Variants in EYS observed in about 807,000 individuals in gnomAD.
EYS encodes protein eyes shut homolog.
EYS carries 250 observed loss-of-function variants against 282.1 expected under a neutral mutation model. The observed-to-expected ratio is 0.89, with a 90% CI of 0.80 to 0.98. The LOEUF (loss-of-function observed/expected upper bound fraction) is 0.98. Among genes scored for constraint, EYS ranks in the 50% least tolerant of loss-of-function variants. The probability of loss-of-function intolerance (pLI) is 0.00; values close to 1 mark genes in which losing one functional copy is unlikely to be tolerated. For missense variants in EYS, 4,016 were observed against 3,709.0 expected (o/e 1.08, Z -2.15); for synonymous variants, 1,355 against 1,282.9 (o/e 1.06, Z -1.20).
At chr6:64,190,410 C>T (rs1008864434) in intron 31 of EYS, among the ~76,000 whole-genome samples, 5 of 152,050 alleles carry the variant, frequency 3.3e-5, no homozygotes, top group Admixed American at 6.6e-5. Context: ...ATCAATTAAG[C>T]AGTTAGGATG....
intron 5 of EYS, among the ~76,000 whole-genome samples, chr6:65,418,790 C>T (rs975287657): frequency 6.6e-6 from 1 of 151,932 alleles, no homozygotes; most frequent in Non-Finnish European, 1.5e-5. Flanking sequence ...ACCTGTGTAA[C>T]AAACCTTCAC....
intron 35 of EYS, among the ~76,000 whole-genome samples, chr6:63,893,781 A>G (rs1311869826): frequency 6.6e-6 from 1 of 152,150 alleles, no homozygotes. Context: ...CTTTAAATTT[A>G]TCTTCAGAGC....
At chr6:64,634,625 G>A (rs1767909707) in intron 22 of EYS, among the ~76,000 whole-genome samples, 1 of 151,266 alleles carries the variant, frequency 6.6e-6, no homozygotes, top group Non-Finnish European at 1.5e-5. Context: ...CTTGGGAACT[G>A]TCCAGCACAG....
At chr6:63,915,848 C>T (rs1472073594) in intron 35 of EYS, among the ~76,000 whole-genome samples, 1 of 152,174 alleles carries the variant, frequency 6.6e-6, no homozygotes, top group Non-Finnish European at 1.5e-5. Flanking sequence ...TTGCTGCAAT[C>T]TCATGATAGA....
chr6:65,455,006 T>C (rs569903708), intron 5 of EYS, among the ~76,000 whole-genome samples: 2 of 152,222 alleles, frequency 1.3e-5, no homozygotes, highest in South Asian at 2.1e-4. Context: ...TGTGGTTCCA[T>C]ATAAATTTTA....
chr6:65,665,079 G>A (rs1472672334), intron 1 of EYS, among the ~76,000 whole-genome samples: 3 of 152,090 alleles, frequency 2.0e-5, no homozygotes, highest in Admixed American at 2.0e-4. Flanking sequence ...TTCTTTGAGG[G>A]AAATCTTCAT....
At chr6:65,417,133 T>A (rs1767270208) in intron 5 of EYS, among the ~76,000 whole-genome samples, 1 of 151,794 alleles carries the variant, frequency 6.6e-6, no homozygotes, top group Non-Finnish European at 1.5e-5. Flanking sequence ...TGTAAAGCTG[T>A]AGTAGTATTC....
intron 2 of EYS, among the ~76,000 whole-genome samples, chr6:65,552,637 T>C (rs891049435): frequency 1.3e-4 from 20 of 152,288 alleles, no homozygotes; most frequent in African/African-American, 4.8e-4. Context: ...TGCAGATGCA[T>C]TCTCTCTGGC....
intron 30 of EYS, among the ~76,000 whole-genome samples, chr6:64,294,261 C>G (rs1321989812): frequency 6.6e-6 from 1 of 152,102 alleles, no homozygotes; most frequent in Admixed American, 6.6e-5. Context: ...ATGTTAAGAA[C>G]TATTGCTAGA....
At chr6:65,667,150 T>A (rs969265) in intron 1 of EYS, among the ~76,000 whole-genome samples, 2 of 151,884 alleles carry the variant, frequency 1.3e-5, no homozygotes, top group Admixed American at 1.3e-4. Flanking sequence ...CCTAATTTGT[T>A]GTTCTACTTC....
At chr6:64,451,791 T>C (rs1021342269) in intron 26 of EYS, among the ~76,000 whole-genome samples, 3 of 152,076 alleles carry the variant, frequency 2.0e-5, no homozygotes, top group African/African-American at 7.2e-5. Flanking sequence ...CAGAAAAGGC[T>C]TTTGACAAAA....
At chr6:64,207,734 T>C (rs1192648891) in intron 31 of EYS, among the ~76,000 whole-genome samples, 2 of 152,144 alleles carry the variant, frequency 1.3e-5, no homozygotes, top group Non-Finnish European at 2.9e-5. Context: ...CTCGGATCAC[T>C]GCAACCTCCG....
At chr6:63,723,798 ATTATTATTAT>A (rs1768504972) in intron 42 of EYS, among the ~76,000 whole-genome samples, 1 of 76,286 alleles carries the variant, frequency 1.3e-5, no homozygotes, top group Non-Finnish European at 2.9e-5. Context: ...CATTATTATT[ATTATTATTAT>A]TATTATTATT....
At chr6:65,356,237 G>A (rs1311803595) in intron 8 of EYS, among the ~76,000 whole-genome samples, 1 of 152,012 alleles carries the variant, frequency 6.6e-6, no homozygotes, top group African/African-American at 2.4e-5. Context: ...AACTAAGTTC[G>A]AATTAAGTCC....
At chr6:63,799,379 T>G (rs1039369218) in intron 37 of EYS, among the ~76,000 whole-genome samples, 1 of 152,178 alleles carries the variant, frequency 6.6e-6, no homozygotes, top group African/African-American at 2.4e-5. Flanking sequence ...TTTTAACTTA[T>G]ATTTCAATGA....
intron 5 of EYS, among the ~76,000 whole-genome samples, chr6:65,450,044 TAAAG>T (rs1166864586): frequency 6.6e-6 from 1 of 152,166 alleles, no homozygotes; most frequent in Non-Finnish European, 1.5e-5. Context: ...TGCTGCCTTT[TAAAG>T]AAAGTGTGAA....
chr6:65,704,584 T>C (rs1226739373), intron 1 of EYS, among the ~76,000 whole-genome samples: 1 of 152,220 alleles, frequency 6.6e-6, no homozygotes, highest in Admixed American at 6.5e-5. Context: ...AATAATAGAC[T>C]GTTATACATT....
At chr6:64,208,739 A>G (rs1765680656) in intron 31 of EYS, among the ~76,000 whole-genome samples, 1 of 152,138 alleles carries the variant, frequency 6.6e-6, no homozygotes, top group African/African-American at 2.4e-5. Context: ...GAATGTAAGT[A>G]TATTATTAAT....
At chr6:65,163,390 T>C (rs1035344365) in intron 12 of EYS, among the ~76,000 whole-genome samples, 2 of 151,264 alleles carry the variant, frequency 1.3e-5, no homozygotes, top group African/African-American at 4.8e-5. Context: ...TAGAATGAAA[T>C]TAAACACTGC....
Sources: allele counts gnomAD v4.1 joint callset (sites outside exome capture counted in the v4.1 genomes callset), GRCh38; gene constraint gnomAD v4.1.1; transcripts MANE v1.5; gene names NCBI Gene and HGNC (gene_info 2026-07-23, HGNC 2026-07-21).